The following ADARB2 variants were observed in gnomAD, a reference collection of about 807,000 sequenced individuals.
ADARB2 encodes adenosine deaminase RNA specific B2 (inactive), also known as inactive double-stranded RNA-specific editase B2.
ADARB2 carries 25 observed loss-of-function variants against 62.2 expected under a neutral mutation model. That is an observed-to-expected ratio of 0.40 (90% confidence interval 0.29 to 0.56). ADARB2 has a LOEUF of 0.56. ADARB2 is among the 20% of genes least tolerant of loss of function. The pLI, the probability that ADARB2 is intolerant of heterozygous loss-of-function variation, is 0.43. For missense variants in ADARB2, 1,071 were observed against 1,077.4 expected (o/e 0.99, Z 0.08); for synonymous variants, 572 against 500.8 (o/e 1.14, Z -1.90).
At chr10:1,295,926 C>G (rs141643584) in intron 3 of ADARB2, among the ~76,000 whole-genome samples, 1 of 152,158 alleles carries the variant, frequency 6.6e-6, no homozygotes, top group Non-Finnish European at 1.5e-5. Context: ...CCAAGCGCAA[C>G]GGCTCAGTCA....
intron 1 of ADARB2, among the ~76,000 whole-genome samples, chr10:1,463,812 G>A (rs1420150521): frequency 6.6e-6 from 1 of 152,102 alleles, no homozygotes; most frequent in South Asian, 2.1e-4. Flanking sequence ...CCAGAATAGG[G>A]AAAGCACTCT....
intron 7 of ADARB2, among the ~76,000 whole-genome samples, chr10:1,208,341 G>A (rs1270714434): frequency 2.0e-5 from 3 of 152,322 alleles, no homozygotes; most frequent in African/African-American, 7.2e-5. Flanking sequence ...TGTCTGCAGG[G>A]TCGTGCTTTC....
intron 1 of ADARB2, among the ~76,000 whole-genome samples, chr10:1,697,936 G>A (rs1262131893): frequency 1.3e-5 from 2 of 152,228 alleles, no homozygotes; most frequent in African/African-American, 4.8e-5. Flanking sequence ...TTACTGGGCT[G>A]TGAGGAGCGG....
At chr10:1,534,137 GTT>G (rs11431049) in intron 1 of ADARB2, among the ~76,000 whole-genome samples, 4 of 137,034 alleles carry the variant, frequency 2.9e-5, no homozygotes, top group African/African-American at 5.3e-5. Context: ...CATTGAAATA[GTT>G]TTTTTTTTTT....
At chr10:1,383,994 A>G (rs1371331181) in intron 1 of ADARB2, among the ~76,000 whole-genome samples, 6 of 152,230 alleles carry the variant, frequency 3.9e-5, no homozygotes, top group Admixed American at 3.9e-4. Flanking sequence ...TCAGAACAGC[A>G]TCTTTGTTTC....
At chr10:1,262,767 C>A (rs1274212943) in intron 4 of ADARB2, among the ~76,000 whole-genome samples, 5 of 152,286 alleles carry the variant, frequency 3.3e-5, no homozygotes, top group South Asian at 2.1e-4. Context: ...TTGACCCAGT[C>A]ATCCCATTAC....
chr10:1,526,552 G>A (rs1417863715), intron 1 of ADARB2: 1 of 189,256 alleles, frequency 5.3e-6, no homozygotes, highest in African/African-American at 2.4e-5. Flanking sequence ...GGAAGAGCCT[G>A]GCCCCTCCCA....
At chr10:1,482,432 G>T (rs1365743719) in intron 1 of ADARB2, among the ~76,000 whole-genome samples, 2 of 152,198 alleles carry the variant, frequency 1.3e-5, no homozygotes, top group Admixed American at 1.3e-4. Flanking sequence ...GGCCATGAAA[G>T]GACAAATCCT....
intron 1 of ADARB2, among the ~76,000 whole-genome samples, chr10:1,568,687 A>G (rs534016145): frequency 6.6e-6 from 1 of 152,260 alleles, no homozygotes; most frequent in South Asian, 2.1e-4. Flanking sequence ...AGGAGTTTGG[A>G]GACCAGGCCC....
At chr10:1,314,354 A>G (rs910374568) in intron 3 of ADARB2, among the ~76,000 whole-genome samples, 9 of 151,990 alleles carry the variant, frequency 5.9e-5, no homozygotes, top group Non-Finnish European at 1.2e-4. Context: ...GAAGTCCCTT[A>G]TGAGAAGCAA....
rs1467319940 is a variant in ADARB2, at chr10:1,673,854, G to A, written c.100+63197C>T. On this transcript the variant is annotated intron_variant, in intron 1 of 9. Coordinates refer to ENST00000381312, the MANE Select transcript of ADARB2 (RefSeq NM_018702.4). ...TGCCCACTCAGCCACTTCCGGGATG[G>A]GATCCTAGGCCGGTTACCGACTTCT... Among the ~76,000 whole-genome samples, 3 of 152,318 alleles carry A rather than the reference G, an allele frequency of 2.0e-5. No homozygotes were observed. The East Asian group carries it at 5.8e-4, about 29-fold the overall frequency.
At chr10:1,208,608 C>T (rs780260242) in intron 7 of ADARB2, among the ~76,000 whole-genome samples, 17 of 152,232 alleles carry the variant, frequency 1.1e-4, no homozygotes, top group Non-Finnish European at 1.2e-4. Context: ...GACTCTAGAG[C>T]GTCCTCTCAT....
Position 1,403,457 on chromosome 10 carries a change from C to G in ADARB2, c.101-24297G>C, listed in dbSNP as rs977852460. 2.0e-5 allele frequency among the ~76,000 whole-genome samples: 3 copies of G among 152,286 alleles called. No individual in the cohort carries two copies. In the East Asian group the frequency reaches 5.8e-4, roughly 29 times the overall value. Reference sequence around the variant, plus strand: ...ACTGTGCTCCTTGAAATTATATATACGTTTTTTAAGGGCTTTTGCTACTTT... The same window carrying G: ...ACTGTGCTCCTTGAAATTATATATAGGTTTTTTAAGGGCTTTTGCTACTTT... On this transcript the variant is annotated intron_variant, in intron 1 of 9. Coordinates refer to ENST00000381312, the MANE Select transcript of ADARB2 (RefSeq NM_018702.4).
At chr10:1,292,259 C>T (rs1831473133) in intron 3 of ADARB2, 2 of 152,254 alleles carry the variant, frequency 1.3e-5, no homozygotes, top group Admixed American at 1.3e-4. Context: ...GCCACCGCAC[C>T]TGGCTAGAAT....
At chr10:1,535,356 C>T (rs1346043718) in intron 1 of ADARB2, among the ~76,000 whole-genome samples, 1 of 152,068 alleles carries the variant, frequency 6.6e-6, no homozygotes, top group Non-Finnish European at 1.5e-5. Context: ...TTCGGCAATA[C>T]CTCCGTGTGC....
At chr10:1,304,420 A>T (rs918530834) in intron 3 of ADARB2, among the ~76,000 whole-genome samples, 1 of 151,686 alleles carries the variant, frequency 6.6e-6, no homozygotes, top group Non-Finnish European at 1.5e-5. Context: ...CCACACATTA[A>T]TAATGGGAGA....
At chr10:1,482,964 C>T (rs1462971976) in intron 1 of ADARB2, among the ~76,000 whole-genome samples, 1 of 151,952 alleles carries the variant, frequency 6.6e-6, no homozygotes, top group Non-Finnish European at 1.5e-5. Flanking sequence ...TTGTAAATTG[C>T]CCATGTATGT....
At chr10:1,730,475 G>T (rs142693073) in intron 1 of ADARB2, among the ~76,000 whole-genome samples, 2 of 152,230 alleles carry the variant, frequency 1.3e-5, no homozygotes, top group East Asian at 3.9e-4. Context: ...CAAACACGAG[G>T]GTCCTAGTTG....
chr10:1,296,332 C>T (rs1356675773), intron 3 of ADARB2, among the ~76,000 whole-genome samples: 14 of 152,192 alleles, frequency 9.2e-5, no homozygotes, highest in Non-Finnish European at 2.9e-5. Context: ...AATGTGAAGG[C>T]TCCAGGAAGT....
Sources: allele counts gnomAD v4.1 joint callset (sites outside exome capture counted in the v4.1 genomes callset), GRCh38; gene constraint gnomAD v4.1.1; transcripts MANE v1.5; gene names NCBI Gene and HGNC (gene_info 2026-07-23, HGNC 2026-07-21).